The following STAB2 variants were observed in gnomAD, a reference collection of about 807,000 sequenced individuals.
The protein encoded by STAB2 is stabilin-2.
Under a neutral mutation model 338.1 loss-of-function variants are expected in STAB2, and 288 were observed. The ratio of observed to expected loss-of-function variants is 0.85; its 90% CI spans 0.77 to 0.94. The LOEUF is 0.94. Among genes scored for constraint, STAB2 ranks in the 40% least tolerant of loss-of-function variants. The pLI is 0.00. For synonymous variants in STAB2, 1,202 were observed against 1,193.3 expected, an observed-to-expected ratio of 1.01 and a Z score of -0.15; for missense variants, 3,141 against 3,210.1, an observed-to-expected ratio of 0.98 and a Z score of 0.52.
chr12:103,643,829 TG>T (rs986196996), intron 9 of STAB2, among the ~76,000 whole-genome samples: 4 of 149,552 alleles, frequency 2.7e-5, no homozygotes, highest in Admixed American at 2.0e-4. Flanking sequence ...GGGAGGGAGG[TG>T]GGGGGGTCAG....
At chr12:103,759,393 T>A (rs1241749562) in intron 65 of STAB2, 120 bp downstream of exon 65, 1 of 1,379,448 alleles carries the variant, frequency 7.2e-7, no homozygotes, top group African/African-American at 1.5e-5. Flanking sequence ...AACCTGCAGA[T>A]AGGGGACGGT....
At chr12:103,708,584 C>T (rs1267084085) in intron 39 of STAB2, 48 bp downstream of exon 39, 1 of 1,539,010 alleles carries the variant, frequency 6.5e-7, no homozygotes, top group Non-Finnish European at 8.9e-7. Context: ...AGCTTTGCTT[C>T]TCAGCAGCTA....
At chr12:103,727,509 C>T (rs1178672957) in intron 47 of STAB2, among the ~76,000 whole-genome samples, 159 bp downstream of exon 47, 2 of 152,160 alleles carry the variant, frequency 1.3e-5, no homozygotes, top group Admixed American at 1.3e-4. Context: ...GCACAGGGAC[C>T]CCTGTCAGGG....
intron 39 of STAB2, 107 bp from the exon 40 acceptor site, chr12:103,711,364 G>A (rs1879837257): frequency 1.2e-5 from 17 of 1,433,788 alleles, no homozygotes; most frequent in Non-Finnish European, 1.5e-5. Context: ...TCGCTCACAT[G>A]ATACATATCA....
Position 103,687,352 on chromosome 12 carries a change from C to T in STAB2, c.2998-816C>T, listed in dbSNP as rs528013638. 3.9e-5 allele frequency among the ~76,000 whole-genome samples: 6 copies of T among 151,930 alleles called. 1 individual carries two copies. Among genetic ancestry groups the T allele is most frequent in the African/African-American group, 7.2e-5 (3 of 41,436 alleles). On this transcript the variant is annotated intron_variant, in intron 27 of 68. Coordinates refer to ENST00000388887, the MANE Select transcript of STAB2 (RefSeq NM_017564.10). ...AGACATTAAAAAAAAAAAACTATAACGCCTTCAAATGTCACTGCTCTGCCA... is the reference window on the plus strand; with the variant it reads ...AGACATTAAAAAAAAAAAACTATAATGCCTTCAAATGTCACTGCTCTGCCA...
intron 44 of STAB2, among the ~76,000 whole-genome samples, chr12:103,723,267 A>G (rs145426318): frequency 6.6e-6 from 1 of 152,340 alleles, no homozygotes; most frequent in Non-Finnish European, 1.5e-5. Flanking sequence ...TTGGGCTTAC[A>G]GTTCCCCATG....
intron 58 of STAB2, among the ~76,000 whole-genome samples, chr12:103,747,995 CAAA>C (rs57369480): frequency 4.1e-5 from 4 of 96,754 alleles, no homozygotes; most frequent in Admixed American, 1.1e-4. Flanking sequence ...ACTCTGTCTC[CAAA>C]AAAAAAAAAA....
intron 3 of STAB2, among the ~76,000 whole-genome samples, chr12:103,596,952 CAAAAAAAAAAAAAAA>C (rs35439238): frequency 4.7e-5 from 3 of 64,498 alleles, no homozygotes; most frequent in South Asian, 1.5e-3. Flanking sequence ...GACCCTATCT[CAAAAAAAAAAAAAAA>C]AAAAAAAAAA....
At chr12:103,692,398 G>GA (rs540938224) in intron 30 of STAB2, among the ~76,000 whole-genome samples, 16 of 151,934 alleles carry the variant, frequency 1.1e-4, no homozygotes, top group Non-Finnish European at 2.1e-4. Context: ...GTGGGGGCAG[G>GA]GGGGGACACA....
At position 103,674,054 on chromosome 12, in the gene STAB2, A is replaced by G. The variant is rs1876095307; in HGVS notation, c.2519A>G (p.His840Arg). ...CCCTACGTGCAGTTCTGTCACATCC[A>G]CGCCACCTGTGAATACAGCAATGGG... ...CGPYVQFCHI[H>R]ATCEYSNGTA... is the part of the protein sequence containing the mutation. Residue 840 changes from histidine to arginine, a missense_variant, in exon 23 of 69, where the codon CAC becomes CGC. His to Arg is a conservative substitution (Grantham distance 29, BLOSUM62 0). Coordinates refer to ENST00000388887, the MANE Select transcript of STAB2 (RefSeq NM_017564.10). 2 of 1,613,360 alleles carry G rather than the reference A, an allele frequency of 1.2e-6. No homozygotes were observed. Among genetic ancestry groups the G allele is most frequent in the Non-Finnish European group, 1.7e-6 (2 of 1,179,480 alleles).
rs142878270 is a variant in STAB2, at chr12:103,622,176, C to T, written c.487+65C>T. 7,737 of 1,537,120 alleles carry T rather than the reference C, an allele frequency of 5.0e-3. 30 individuals are homozygous for T. Among genetic ancestry groups the T allele is most frequent in the Non-Finnish European group, 6.3e-3 (7,018 of 1,113,146 alleles). Reference sequence around the variant, plus strand: ...TTGACAGTCCATGAGAAAGATTGCTCCTTGAGGAGAAAACACTGAATAGTT... The same window carrying T: ...TTGACAGTCCATGAGAAAGATTGCTTCTTGAGGAGAAAACACTGAATAGTT... On this transcript the variant is annotated intron_variant, in intron 5 of 68. Coordinates refer to ENST00000388887, the MANE Select transcript of STAB2 (RefSeq NM_017564.10).
intron 9 of STAB2, among the ~76,000 whole-genome samples, chr12:103,647,942 T>C (rs535576303): frequency 6.6e-6 from 1 of 152,368 alleles, no homozygotes; most frequent in African/African-American, 2.4e-5. Flanking sequence ...TTACTACTTA[T>C]TGTACAACTA....
chr12:103,704,453 T>A, intron 35 of STAB2, 105 bp from the exon 36 acceptor site: 1 of 1,111,208 alleles, frequency 9.0e-7, no homozygotes. Flanking sequence ...GCCCAGATAA[T>A]CTGCCTTGAT....
intron 3 of STAB2, among the ~76,000 whole-genome samples, chr12:103,598,160 C>A (rs541835226): frequency 1.9e-4 from 29 of 152,284 alleles, no homozygotes; most frequent in African/African-American, 6.0e-4. Flanking sequence ...GTTTCCCAGG[C>A]AGACAAATCC....
Position 103,662,945 on chromosome 12 carries a change from A to C in STAB2, c.1969A>C (p.Ile657Leu). The C allele has an allele frequency of 6.2e-7, 1 of 1,614,168 alleles. No individual in the cohort carries two copies. Among genetic ancestry groups the C allele is most frequent in the Non-Finnish European group, 8.5e-7 (1 of 1,180,028 alleles). The change falls in exon 18 of 69, where the codon ATT (isoleucine) becomes CTT (leucine). Residue 657 changes from isoleucine to leucine, a missense_variant. By Grantham distance (5) the Ile-to-Leu change is conservative (BLOSUM62 2). Coordinates refer to ENST00000388887, the MANE Select transcript of STAB2 (RefSeq NM_017564.10). ...TLTGVLIPPS[I>L]VPILPHRCDE... ...GACAGGAGTTCTCATTCCTCCCTCC[A>C]TTGTCCCGATTCTGCCCCATCGATG...
At chr12:103,651,314 A>T (rs1336301530) in intron 11 of STAB2, among the ~76,000 whole-genome samples, 11 of 132,680 alleles carry the variant, frequency 8.3e-5, no homozygotes, top group African/African-American at 5.7e-5. Context: ...CCTGATCTTG[A>T]TTTTTTTTTT....
At chr12:103,719,291 C>T (rs935274615) in intron 44 of STAB2, among the ~76,000 whole-genome samples, 1 of 152,200 alleles carries the variant, frequency 6.6e-6, no homozygotes, top group African/African-American at 2.4e-5. Context: ...CCCAATCATT[C>T]TTTCGTTTAA....
intron 52 of STAB2, among the ~76,000 whole-genome samples, chr12:103,736,655 C>G (rs1283387588): frequency 6.6e-6 from 1 of 151,912 alleles, no homozygotes; most frequent in Non-Finnish European, 1.5e-5. Context: ...TGTATAACAA[C>G]CCTATATTAG....
chr12:103,725,130 C>T (rs1166014067), intron 45 of STAB2, 36 bp downstream of exon 45: 1 of 1,592,390 alleles, frequency 6.3e-7, no homozygotes, highest in East Asian at 2.3e-5. Context: ...GTAAACTCTA[C>T]TTCCCTAAAA....
Sources: allele counts gnomAD v4.1 joint callset (sites outside exome capture counted in the v4.1 genomes callset), GRCh38; gene constraint gnomAD v4.1.1; transcripts MANE v1.5; gene names NCBI Gene and HGNC (gene_info 2026-07-23, HGNC 2026-07-21).